GPR176: variants seen among roughly 807,000 people sequenced by gnomAD.
GPR176 encodes G protein-coupled receptor 176.
GPR176 carries 26 observed loss-of-function variants against 35.4 expected under a neutral mutation model. The ratio of observed to expected loss-of-function variants is 0.74; its 90% confidence interval spans 0.54 to 1.02. The LOEUF (loss-of-function observed/expected upper bound fraction) is 1.02, where lower values mean the gene tolerates loss of function less well. GPR176 is among the 50% of genes least tolerant of loss of function. The probability of loss-of-function intolerance (pLI) is 0.00; values close to 1 mark genes in which losing one functional copy is unlikely to be tolerated. For missense variants in GPR176, 597 were observed against 665.3 expected (o/e 0.90, Z 1.13); for synonymous variants, 278 against 271.3 (o/e 1.02, Z -0.24).
chr15:39,912,287 T>C (rs1424061149), intron 1 of GPR176, among the ~76,000 whole-genome samples: 1 of 152,086 alleles, frequency 6.6e-6, no homozygotes, highest in Non-Finnish European at 1.5e-5. Context: ...CTAACAACAA[T>C]CTTCCACCCA....
chr15:39,856,139 G>T (rs982612954), intron 1 of GPR176, among the ~76,000 whole-genome samples: 1 of 152,128 alleles, frequency 6.6e-6, no homozygotes. Flanking sequence ...GGACATGGAG[G>T]CATGCCCAAT....
chr15:39,894,640 C>T (rs2033038876), intron 1 of GPR176: 1 of 175,820 alleles, frequency 5.7e-6, no homozygotes, highest in Non-Finnish European at 1.2e-5. Context: ...GGCAGAGACG[C>T]TCCTCACTTC....
chr15:39,830,715 A>G (rs1293144292), intron 1 of GPR176, among the ~76,000 whole-genome samples: 1 of 152,274 alleles, frequency 6.6e-6, no homozygotes, highest in African/African-American at 2.4e-5. Context: ...CACAAATGAC[A>G]TGAGATTTCA....
chr15:39,913,818 A>G (rs1003323188), intron 1 of GPR176, among the ~76,000 whole-genome samples: 2 of 152,152 alleles, frequency 1.3e-5, no homozygotes, highest in Non-Finnish European at 2.9e-5. Flanking sequence ...AGGCCAAGGC[A>G]GGCAGATCAC....
chr15:39,801,309 A>G lies in GPR176; in HGVS notation c.1371T>C (p.Pro457=). The G allele has an allele frequency of 6.2e-7, 1 of 1,614,140 alleles. No individual in the cohort carries two copies. The highest frequency in any genetic ancestry group is 2.2e-5 in the East Asian group (1 of 44,876). The change falls in exon 3 of 3, where the codon CCT becomes CCC. Residue 457 remains proline (P), a synonymous_variant. Coordinates refer to ENST00000561100, the MANE Select transcript of GPR176 (RefSeq NM_007223.3). ...AGAGCCACTGAGGAGGCAACTCAAAAGGCCCAAAGCCAAACTGCAGGGAAT... is the reference window on the plus strand; with the variant it reads ...AGAGCCACTGAGGAGGCAACTCAAAGGGCCCAAAGCCAAACTGCAGGGAAT... ...DKYSLQFGFG[P]FELPPQWLSE...
chr15:39,813,559 C>G (rs949256994), intron 1 of GPR176: 2 of 152,100 alleles, frequency 1.3e-5, no homozygotes, highest in Admixed American at 1.3e-4. Flanking sequence ...TATAATGTGT[C>G]TTTTCTTTTC....
intron 1 of GPR176, among the ~76,000 whole-genome samples, chr15:39,877,947 A>G (rs2032315006): frequency 6.6e-6 from 1 of 152,150 alleles, no homozygotes; most frequent in Non-Finnish European, 1.5e-5. Context: ...TTCCTTCACT[A>G]TAAGCACTTC....
chr15:39,855,894 C>T (rs908426530), intron 1 of GPR176, among the ~76,000 whole-genome samples: 1 of 152,180 alleles, frequency 6.6e-6, no homozygotes, highest in Non-Finnish European at 1.5e-5. Context: ...ACTAAGACTG[C>T]AGTGCTATGT....
At chr15:39,808,989 G>C (rs1201667433) in intron 1 of GPR176, among the ~76,000 whole-genome samples, 1 of 152,184 alleles carries the variant, frequency 6.6e-6, no homozygotes, top group Non-Finnish European at 1.5e-5. Flanking sequence ...CTTTTAGACA[G>C]AGTCCACAGC....
At chr15:39,909,589 A>T (rs1440734213) in intron 1 of GPR176, among the ~76,000 whole-genome samples, 1 of 152,200 alleles carries the variant, frequency 6.6e-6, no homozygotes, top group Non-Finnish European at 1.5e-5. Flanking sequence ...TGCAGCCAGA[A>T]CCCCTTCCCT....
intron 1 of GPR176, among the ~76,000 whole-genome samples, chr15:39,840,923 C>T (rs1473652584): frequency 6.6e-6 from 1 of 152,000 alleles, no homozygotes; most frequent in Non-Finnish European, 1.5e-5. Flanking sequence ...TTACTAGTTG[C>T]CCCCTGAGGA....
chr15:39,890,937 T>G (rs2032848560), intron 1 of GPR176, among the ~76,000 whole-genome samples: 1 of 152,216 alleles, frequency 6.6e-6, no homozygotes, highest in African/African-American at 2.4e-5. Context: ...TTGTAGAGTT[T>G]AATGGAGTAA....
At chr15:39,843,101 G>T (rs1435594537) in intron 1 of GPR176, among the ~76,000 whole-genome samples, 2 of 151,988 alleles carry the variant, frequency 1.3e-5, no homozygotes, top group Non-Finnish European at 2.9e-5. Context: ...TGAGTACTGG[G>T]CAGGAGGGAA....
At chr15:39,894,755 G>A (rs1463706266) in intron 1 of GPR176, among the ~76,000 whole-genome samples, 1 of 149,728 alleles carries the variant, frequency 6.7e-6, no homozygotes, top group Non-Finnish European at 1.5e-5. Context: ...CAGGCAGAGG[G>A]GCTCCTCACA....
At chr15:39,819,243 A>T (rs554356058) in intron 1 of GPR176, among the ~76,000 whole-genome samples, 3 of 152,332 alleles carry the variant, frequency 2.0e-5, no homozygotes, top group African/African-American at 7.2e-5. Flanking sequence ...AGGCTATCTT[A>T]CCAACAGGCC....
chr15:39,811,258 G>C (rs1196572950), intron 1 of GPR176, among the ~76,000 whole-genome samples: 1 of 151,784 alleles, frequency 6.6e-6, no homozygotes, highest in Admixed American at 6.6e-5. Context: ...CAAGCTCCTG[G>C]GTGCAAGTAA....
At chr15:39,891,074 C>T (rs1361762024) in intron 1 of GPR176, among the ~76,000 whole-genome samples, 5 of 148,334 alleles carry the variant, frequency 3.4e-5, no homozygotes, top group African/African-American at 1.0e-4. Context: ...AAAGATAAAA[C>T]AAACTACACA....
intron 2 of GPR176, among the ~76,000 whole-genome samples, chr15:39,806,310 C>A (rs1180231351): frequency 1.3e-5 from 2 of 152,156 alleles, no homozygotes; most frequent in African/African-American, 2.4e-5. Context: ...TAATTCAATT[C>A]TCTAGAAAAT....
intron 1 of GPR176, among the ~76,000 whole-genome samples, chr15:39,909,678 G>T (rs554765470): frequency 6.6e-6 from 1 of 152,238 alleles, no homozygotes; most frequent in East Asian, 1.9e-4. Context: ...ATGAAAACTT[G>T]AGCCTTTTCT....
Sources: gnomAD v4.1 joint callset for allele counts (sites outside exome capture counted in the v4.1 genomes callset) on GRCh38, gnomAD v4.1.1 for gene constraint, MANE v1.5 for transcripts, NCBI Gene and HGNC (gene_info 2026-07-23, HGNC 2026-07-21) for gene names.